Variants in FGD1 observed in about 807,000 individuals in gnomAD.
The protein encoded by FGD1 is FYVE, RhoGEF and PH domain-containing protein 1.
In FGD1, 12 loss-of-function variants were observed where a neutral mutation model predicts 65.0. That is an observed-to-expected ratio of 0.18 (90% CI 0.12 to 0.30). The LOEUF (loss-of-function observed/expected upper bound fraction) is 0.30. Among genes scored for constraint, FGD1 ranks in the 10% least tolerant of loss-of-function variants. FGD1 has a pLI of 1.00. For synonymous variants in FGD1, 333 were observed against 343.9 expected, an observed-to-expected ratio of 0.97 and a Z score of 0.35; for missense variants, 542 against 837.6, an observed-to-expected ratio of 0.65 and a Z score of 4.36.
At chrX:54,449,010 C>T (rs774928867) in intron 15 of FGD1, 43 bp from the exon 16 acceptor site, 82 of 1,203,724 alleles carry the variant, frequency 6.8e-5, no homozygotes, top group Non-Finnish European at 8.6e-5. Context: ...TCCAGCGGGT[C>T]TTCCCTTCAG....
chrX:54,485,549 G>A (rs1240915284), intron 1 of FGD1, among the ~76,000 whole-genome samples: 1 of 109,966 alleles, frequency 9.1e-6, no homozygotes, highest in Non-Finnish European at 1.9e-5. Flanking sequence ...CTTCACTGCA[G>A]CCTCGAACTC....
At chrX:54,447,704 C>G (rs1922262239) in intron 16 of FGD1, among the ~76,000 whole-genome samples, 2 of 112,556 alleles carry the variant, frequency 1.8e-5, no homozygotes, top group Non-Finnish European at 3.8e-5. Flanking sequence ...GTGTGCGGAT[C>G]TCAGGCATTC....
intron 1 of FGD1, 118 bp from the exon 2 acceptor site, chrX:54,471,605 C>T (rs1345190887): frequency 6.0e-6 from 4 of 667,399 alleles, no homozygotes; most frequent in Non-Finnish European, 8.9e-6. Context: ...TCTCTGAGCC[C>T]CTTTCCTGGC....
Position 54,473,511 on chromosome X carries a change from T to C in FGD1, c.308-2024A>G, listed in dbSNP as rs376530734. ...GCATACAGGTGGCCCTCCACATTCA[T>C]GGGTTTTGCATCCTCGGCCTCTGCA... On this transcript the variant is annotated intron_variant, in intron 1 of 17. Coordinates refer to ENST00000375135, the MANE Select transcript of FGD1 (RefSeq NM_004463.3). 8.0e-5 allele frequency among the ~76,000 whole-genome samples: 9 copies of C among 112,257 alleles called. No homozygotes were observed. The South Asian group carries it at 3.3e-3, about 41-fold the overall frequency.
chrX:54,453,218 C>T (rs1172728841), intron 12 of FGD1, among the ~76,000 whole-genome samples: 1 of 111,299 alleles, frequency 9.0e-6, no homozygotes, highest in Non-Finnish European at 1.9e-5. Flanking sequence ...CTCACTTTCC[C>T]TGCTGCAGGC....
At chrX:54,447,163 C>G in intron 17 of FGD1, 148 bp downstream of exon 17, 6 of 630,522 alleles carry the variant, frequency 9.5e-6, no homozygotes, top group Non-Finnish European at 1.5e-5. Context: ...GTCTTTGTCT[C>G]TCAAGGGTTG....
chrX:54,484,883 G>A (rs763998017), intron 1 of FGD1, among the ~76,000 whole-genome samples: 1 of 113,022 alleles, frequency 8.8e-6, no homozygotes, highest in African/African-American at 3.2e-5. Flanking sequence ...CGTCTGGCCA[G>A]CTCCACATCT....
intron 8 of FGD1, among the ~76,000 whole-genome samples, chrX:54,463,191 A>G (rs1488262592): frequency 9.0e-6 from 1 of 110,924 alleles, no homozygotes; most frequent in African/African-American, 3.3e-5. Flanking sequence ...TTGGAATACT[A>G]TCTATGTGCC....
At chrX:54,490,659 G>A (rs986898957) in intron 1 of FGD1, among the ~76,000 whole-genome samples, 3 of 111,056 alleles carry the variant, frequency 2.7e-5, no homozygotes, top group African/African-American at 9.8e-5. Flanking sequence ...ACCCCCAGGC[G>A]TTTCGAATTC....
intron 8 of FGD1, 113 bp downstream of exon 8, chrX:54,465,338 T>C: frequency 1.2e-6 from 1 of 839,679 alleles, no homozygotes; most frequent in Non-Finnish European, 1.7e-6. Flanking sequence ...ATTTCAATCA[T>C]GTGGCAATGG....
chrX:54,495,563 GC>G lies in FGD1; in HGVS notation c.-132del. 1 of 380,882 alleles carries G rather than the reference GC, an allele frequency of 2.6e-6. No homozygotes were observed. The highest frequency in any genetic ancestry group is 3.9e-6 in the Non-Finnish European group (1 of 258,805). 31.4% of individuals were successfully genotyped at this position (380,882 alleles called of 1,213,427 possible). A position where few individuals can be genotyped will look rare whatever the true frequency, so the allele number is the denominator to read the frequency against. ...ATCGGGGGGCGGGACTGCGGGCTCA[GC>G]CCCACTGCAGAGACTCAAGCCCCCA... On this transcript the variant is annotated 5_prime_UTR_variant, in exon 1 of 18. The change abolishes the stop of an existing upstream ORF in the 5' untranslated region. Coordinates refer to ENST00000375135, the MANE Select transcript of FGD1 (RefSeq NM_004463.3).
chrX:54,446,477 T>G, intron 17 of FGD1, 63 bp from the exon 18 acceptor site: 1 of 1,081,901 alleles, frequency 9.2e-7, no homozygotes, highest in Non-Finnish European at 1.3e-6. Context: ...CGCCCCAGCT[T>G]CTAACTGGTT....
chrX:54,471,040 G>A (rs1273537424), intron 2 of FGD1, among the ~76,000 whole-genome samples: 1 of 108,638 alleles, frequency 9.2e-6, no homozygotes, highest in Non-Finnish European at 1.9e-5. Context: ...GGATTTGGAG[G>A]TGGCTGGCTG....
chrX:54,479,774 G>A (rs756946210), intron 1 of FGD1, among the ~76,000 whole-genome samples: 168 of 74,180 alleles, frequency 2.3e-3, no homozygotes, highest in African/African-American at 9.2e-3. Flanking sequence ...GCATCCCTCC[G>A]CTTGACAAAA....
At chrX:54,453,570 TTTC>T (rs936990060) in intron 12 of FGD1, among the ~76,000 whole-genome samples, 2 of 111,622 alleles carry the variant, frequency 1.8e-5, no homozygotes, top group African/African-American at 6.5e-5. Context: ...TTTTTCTTTC[TTTC>T]TTCTTTCTTT....
rs766741593 is a variant in FGD1, at chrX:54,470,717, G to T, written c.525C>A (p.Pro175=). Residue 175 remains proline, a synonymous_variant, in exon 3 of 18, where the codon CCC becomes CCA. Coordinates refer to ENST00000375135, the MANE Select transcript of FGD1 (RefSeq NM_004463.3). The part of the protein sequence containing the change: ...PSYLQMPRMP[P]PLEPIPPPPS... ...GTGGAGGGGGGATGGGCTCCAGTGG[G>T]GGGGGCATCCGGGGCATCTGCAGGT... The T allele has an allele frequency of 2.9e-6, 3 of 1,050,859 alleles. No homozygotes were observed. The highest frequency in any genetic ancestry group is 2.6e-5 in the Admixed American group (1 of 39,103). The allele number at this position is 1,050,859 out of a possible 1,213,427, so 86.6% of individuals were successfully genotyped here. A position where few individuals can be genotyped will look rare whatever the true frequency, so the allele number is the denominator to read the frequency against.
chrX:54,480,264 G>A (rs906650944), intron 1 of FGD1, among the ~76,000 whole-genome samples: 1 of 112,516 alleles, frequency 8.9e-6, no homozygotes, highest in Non-Finnish European at 1.9e-5. Flanking sequence ...CTTCAAAGTG[G>A]AGGGACATGC....
intron 1 of FGD1, among the ~76,000 whole-genome samples, chrX:54,474,063 T>C (rs759160514): frequency 9.0e-6 from 1 of 110,902 alleles, no homozygotes; most frequent in South Asian, 3.8e-4. Context: ...GGGACTTGAG[T>C]GTTGGCGACT....
At chrX:54,465,107 G>A (rs1207907844) in intron 8 of FGD1, among the ~76,000 whole-genome samples, 1 of 107,487 alleles carries the variant, frequency 9.3e-6, no homozygotes, top group East Asian at 3.0e-4. Flanking sequence ...GTTCCTTTAG[G>A]GGATCATAAT....
Sources: gnomAD v4.1 joint callset for allele counts (sites outside exome capture counted in the v4.1 genomes callset) on GRCh38, gnomAD v4.1.1 for gene constraint, MANE v1.5 for transcripts, NCBI Gene and HGNC (gene_info 2026-07-23, HGNC 2026-07-21) for gene names.